The following INPP5A variants were observed in gnomAD, a reference collection of about 807,000 sequenced individuals.
INPP5A encodes the protein 43 kDa inositol polyphosphate 5-phophatase.
Under a neutral mutation model 65.2 loss-of-function variants are expected in INPP5A, and 14 were observed. The observed-to-expected ratio is 0.21, with a 90% confidence interval of 0.14 to 0.34. The LOEUF is 0.34. Among genes scored for constraint, INPP5A ranks in the 10% least tolerant of loss-of-function variants. The pLI is 1.00. For synonymous variants in INPP5A, 207 were observed against 208.3 expected (o/e 0.99, Z 0.05); for missense variants, 431 against 545.6 (o/e 0.79, Z 2.09).
At chr10:132,617,029 A>G (rs972782778) in intron 2 of INPP5A, among the ~76,000 whole-genome samples, 3 of 152,094 alleles carry the variant, frequency 2.0e-5, no homozygotes, top group Non-Finnish European at 4.4e-5. Context: ...CAGCTTCGGC[A>G]TCATGTCCCA....
At chr10:132,747,374 T>C (rs1326338565) in intron 9 of INPP5A, among the ~76,000 whole-genome samples, 4 of 152,256 alleles carry the variant, frequency 2.6e-5, no homozygotes. Context: ...GTGCTCGGAA[T>C]GTCAATGGCC....
chr10:132,662,993 T>A (rs1337438031), intron 4 of INPP5A, among the ~76,000 whole-genome samples: 1 of 151,948 alleles, frequency 6.6e-6, no homozygotes, highest in Non-Finnish European at 1.5e-5. Flanking sequence ...AGAAGGAAAA[T>A]CTAGTCTTGT....
intron 4 of INPP5A, among the ~76,000 whole-genome samples, chr10:132,682,237 G>A (rs1347632373): frequency 6.7e-6 from 1 of 150,022 alleles, no homozygotes; most frequent in Non-Finnish European, 1.5e-5. Context: ...TCCTGGAGAT[G>A]GATGTTGTGA....
In INPP5A at chr10:132,708,356, T is replaced by C; in HGVS notation, c.518T>C (p.Ile173Thr). ...GGCTTCATCCGGACGAGGTGGTGCATTGCAGACTGGTACGTGGTGTCTGTG... is the reference window on the plus strand; with the variant it reads ...GGCTTCATCCGGACGAGGTGGTGCACTGCAGACTGGTACGTGGTGTCTGTG... Reference protein sequence around the residue: ...RKGFIRTRWCIADCAFDLVNI... With the variant: ...RKGFIRTRWCTADCAFDLVNI... Residue 173 changes from isoleucine to threonine, a missense_variant, in exon 7 of 16, where the codon ATT becomes ACT. Ile to Thr is a moderately conservative substitution (Grantham distance 89). Transcript: ENST00000368594. The C allele has an allele frequency of 1.2e-6, 2 of 1,614,086 alleles. No individual in the cohort carries two copies. Among genetic ancestry groups the C allele is most frequent in the Non-Finnish European group, 1.7e-6 (2 of 1,179,912 alleles).
intron 4 of INPP5A, among the ~76,000 whole-genome samples, chr10:132,671,778 C>T (rs1196696378): frequency 2.6e-5 from 4 of 152,264 alleles, no homozygotes; most frequent in African/African-American, 7.2e-5. Context: ...TTGTCTTCCC[C>T]GTGTCACAGA....
At chr10:132,770,063 A>G (rs1401188899) in intron 12 of INPP5A, among the ~76,000 whole-genome samples, 2 of 152,260 alleles carry the variant, frequency 1.3e-5, no homozygotes, top group East Asian at 3.9e-4. Flanking sequence ...ACGAAACCCC[A>G]TGTAGAACAG....
chr10:132,617,904 ACT>A (rs935040133), intron 2 of INPP5A, among the ~76,000 whole-genome samples: 1 of 152,130 alleles, frequency 6.6e-6, no homozygotes, highest in Non-Finnish European at 1.5e-5. Flanking sequence ...CGTACAGCTT[ACT>A]CTCTCTGCCT....
intron 12 of INPP5A, among the ~76,000 whole-genome samples, chr10:132,768,473 G>C (rs1409032849): frequency 6.6e-6 from 1 of 152,244 alleles, no homozygotes; most frequent in African/African-American, 2.4e-5. Flanking sequence ...CATTTGGCTG[G>C]GTGAGATCAG....
At position 132,537,801 on chromosome 10, in the gene INPP5A, T is replaced by C. The variant is rs945780065; in HGVS notation, c.-296T>C. On this transcript the variant is annotated 5_prime_UTR_variant, in exon 1 of 16. Transcript: ENST00000368594. ...CGCGGGGCGGGACTTGCCCTCAGCC[T>C]GAGTCGGCGGCGGCTGCGGGAACTT... is the stretch of plus-strand genomic sequence containing the variant. 1.9e-5 allele frequency: 7 copies of C among 359,076 alleles called. No individual in the cohort carries two copies. Among genetic ancestry groups the C allele is most frequent in the African/African-American group, 1.5e-4 (7 of 46,554 alleles). The allele number at this position is 359,076 out of a possible 1,614,324, so 22.2% of individuals were successfully genotyped here.
chr10:132,770,535 A>C (rs1332908886), intron 12 of INPP5A, among the ~76,000 whole-genome samples: 1 of 152,164 alleles, frequency 6.6e-6, no homozygotes, highest in Admixed American at 6.5e-5. Flanking sequence ...GAAGAAAGCC[A>C]CATGCCACCA....
At chr10:132,729,328 C>T (rs1338946410) in intron 9 of INPP5A, among the ~76,000 whole-genome samples, 1 of 152,236 alleles carries the variant, frequency 6.6e-6, no homozygotes, top group Non-Finnish European at 1.5e-5. Context: ...CCTTCACACA[C>T]AGCCCTCAAC....
intron 1 of INPP5A, among the ~76,000 whole-genome samples, chr10:132,586,183 C>T (rs376355249): frequency 6.3e-4 from 96 of 152,316 alleles, no homozygotes; most frequent in African/African-American, 2.2e-3. Flanking sequence ...TGCTGACCCT[C>T]CTGGGCCATC....
At chr10:132,735,211 G>T (rs1846155198) in intron 9 of INPP5A, among the ~76,000 whole-genome samples, 1 of 152,188 alleles carries the variant, frequency 6.6e-6, no homozygotes, top group Non-Finnish European at 1.5e-5. Flanking sequence ...CCTGCAGTCT[G>T]GCTCCTTGGG....
At chr10:132,745,486 T>G (rs942720918) in intron 9 of INPP5A, among the ~76,000 whole-genome samples, 3 of 150,536 alleles carry the variant, frequency 2.0e-5, no homozygotes, top group Admixed American at 1.3e-4. Context: ...GGATCCCAGC[T>G]TTCCCTTCCC....
At chr10:132,710,032 C>T (rs980766087) in intron 7 of INPP5A, among the ~76,000 whole-genome samples, 1 of 152,266 alleles carries the variant, frequency 6.6e-6, no homozygotes, top group African/African-American at 2.4e-5. Context: ...GGCCCTTCCT[C>T]TTAGCTTAGC....
At position 132,578,177 on chromosome 10, in the gene INPP5A, T is replaced by G. The variant is rs1242259466; in HGVS notation, c.76-29738T>G. ...TACAGAAAGTGTTGCAGAACTTTGA[T>G]TTGACAGCAATAAAAATGAACCCTC... On this transcript the variant is annotated intron_variant, in intron 1 of 15. Coordinates refer to ENST00000368594, the MANE Select transcript of INPP5A (RefSeq NM_005539.5). 2.0e-5 allele frequency among the ~76,000 whole-genome samples: 3 copies of G among 152,232 alleles called. No individual in the cohort carries two copies. The East Asian group carries it at 5.8e-4, about 29-fold the overall frequency.
chr10:132,542,190 G>C (rs1164774752), intron 1 of INPP5A, among the ~76,000 whole-genome samples: 1 of 152,244 alleles, frequency 6.6e-6, no homozygotes, highest in African/African-American at 2.4e-5. Flanking sequence ...CTGCTTGTTC[G>C]CAGCTAAGTC....
intron 11 of INPP5A, among the ~76,000 whole-genome samples, chr10:132,758,392 C>T (rs372103513): frequency 4.1e-4 from 56 of 137,084 alleles, no homozygotes; most frequent in Middle Eastern, 5.4e-3. Flanking sequence ...GTTGTGGGTC[C>T]CTGGCTGACC....
intron 9 of INPP5A, among the ~76,000 whole-genome samples, chr10:132,744,014 G>A (rs1288798441): frequency 6.6e-6 from 1 of 152,234 alleles, no homozygotes; most frequent in Non-Finnish European, 1.5e-5. Flanking sequence ...TGCACCTGCA[G>A]GTCTGTGTCT....
Sources: gnomAD v4.1 joint callset for allele counts (sites outside exome capture counted in the v4.1 genomes callset) on GRCh38, gnomAD v4.1.1 for gene constraint, MANE v1.5 for transcripts, NCBI Gene and HGNC (gene_info 2026-07-23, HGNC 2026-07-21) for gene names.